The following TMEM181 variants were observed in gnomAD, a reference collection of about 807,000 sequenced individuals.
TMEM181 encodes the protein G protein-coupled receptor 178.
Under a neutral mutation model 71.9 loss-of-function variants are expected in TMEM181, and 39 were observed. The ratio of observed to expected loss-of-function variants is 0.54; its 90% CI spans 0.42 to 0.71. The LOEUF (loss-of-function observed/expected upper bound fraction) is 0.71. Ranked by LOEUF, TMEM181 falls within the 30% of genes least tolerant of loss-of-function variation. The pLI is 0.00. For synonymous variants in TMEM181, 245 were observed against 228.8 expected (o/e 1.07, Z -0.64); for missense variants, 595 against 583.0 (o/e 1.02, Z -0.21).
At chr6:158,608,559 GA>G in intron 9 of TMEM181, 96 bp downstream of exon 9, 2 of 1,605,846 alleles carry the variant, frequency 1.2e-6, no homozygotes, top group Non-Finnish European at 1.7e-6. Flanking sequence ...TTTATCCATG[GA>G]AGCCTGTCTG....
intron 6 of TMEM181, among the ~76,000 whole-genome samples, chr6:158,604,913 A>C (rs1784860229): frequency 6.6e-6 from 1 of 152,166 alleles, no homozygotes; most frequent in African/African-American, 2.4e-5. Flanking sequence ...TTGATAAAAA[A>C]GTAAACTGTA....
Position 158,573,290 on chromosome 6 carries a change from A to G in TMEM181, c.9-130A>G, listed in dbSNP as rs1582965265. On this transcript the variant is annotated intron_variant, in intron 1 of 16. Coordinates refer to ENST00000684151, the MANE Select transcript of TMEM181 (RefSeq NM_001376852.1). ...GGTTACCTGGTGGCAGTGCAGGCCC[A>G]CTTCAGAAGTGAGGGACTGGGAGGG... The G allele has an allele frequency of 1.1e-5, 7 of 657,032 alleles. No homozygotes were observed. The East Asian group carries it at 1.4e-4, about 13-fold the overall frequency. The allele number at this position is 657,032 out of a possible 1,614,324, so 40.7% of individuals were successfully genotyped here. A position where few individuals can be genotyped will look rare whatever the true frequency, so the allele number is the denominator to read the frequency against.
chr6:158,537,282 C>A (rs889160592), intron 1 of TMEM181, among the ~76,000 whole-genome samples: 1 of 152,086 alleles, frequency 6.6e-6, no homozygotes, highest in South Asian at 2.1e-4. Flanking sequence ...CGACCGCGCG[C>A]GCTGCGGCGT....
chr6:158,557,536 G>T, upstream of TMEM181, among the ~76,000 whole-genome samples: 1 of 67,520 alleles, frequency 1.5e-5, no homozygotes, highest in African/African-American at 7.8e-5. Flanking sequence ...TTATTTATTT[G>T]AGACAGAGTC....
chr6:158,631,250 C>G (rs1418574029), intron 15 of TMEM181, 73 bp from the exon 16 acceptor site: 2 of 1,512,412 alleles, frequency 1.3e-6, no homozygotes, highest in South Asian at 2.3e-5. Flanking sequence ...TTCCTTTGTC[C>G]GGGACAGCAT....
At position 158,628,859 on chromosome 6, in the gene TMEM181, G is replaced by T. The variant is rs537303957; in HGVS notation, c.1192+369G>T. 2.0e-3 allele frequency among the ~76,000 whole-genome samples: 304 copies of T among 152,336 alleles called. 1 individual carries two copies. Among genetic ancestry groups the T allele is most frequent in the African/African-American group, 6.7e-3 (280 of 41,568 alleles). ...GTGCGGTTGCCTCTCCACACCGCGG[G>T]GCTCCAAGCCCCTACTGCCCTCCAG... On this transcript the variant is annotated intron_variant, in intron 14 of 16. Coordinates refer to ENST00000684151, the MANE Select transcript of TMEM181 (RefSeq NM_001376852.1).
rs1288722667 is a variant in TMEM181 at position 158,632,404 on chromosome 6, CTGAAGTGAT to C, written c.*519_*527del. The C allele has an allele frequency of 6.1e-6, 1 of 164,622 alleles. No individual in the cohort carries two copies. The highest frequency in any genetic ancestry group is 1.3e-5 in the Non-Finnish European group (1 of 74,890). 10.2% of individuals were successfully genotyped at this position (164,622 alleles called of 1,614,324 possible). A position where few individuals can be genotyped will look rare whatever the true frequency, so the allele number is the denominator to read the frequency against. ...GCCAGTGCCCTGGGTAACCAGGTGG[CTGAAGTGAT>C]TGGTCAGTTATGTGGACTGCGTTTT... is the stretch of plus-strand genomic sequence containing the variant. On this transcript the variant is annotated 3_prime_UTR_variant, in exon 17 of 17. Coordinates refer to ENST00000684151, the MANE Select transcript of TMEM181 (RefSeq NM_001376852.1).
At chr6:158,618,308 TTTG>T (rs376129600) in intron 10 of TMEM181, among the ~76,000 whole-genome samples, 25 of 151,858 alleles carry the variant, frequency 1.6e-4, no homozygotes, top group African/African-American at 3.4e-4. Flanking sequence ...AACCCCTGCT[TTTG>T]TTGTTGTTGT....
chr6:158,608,526 T>C, intron 9 of TMEM181, 63 bp downstream of exon 9: 2 of 1,612,380 alleles, frequency 1.2e-6, no homozygotes, highest in Non-Finnish European at 1.7e-6. Context: ...TCCCGAACTC[T>C]GAGGACAGCC....
chr6:158,629,023 A>G (rs1229691650), intron 14 of TMEM181, among the ~76,000 whole-genome samples: 2 of 152,190 alleles, frequency 1.3e-5, no homozygotes, highest in Non-Finnish European at 2.9e-5. Flanking sequence ...AAGAGCTCAG[A>G]AAATACTGGG....
intron 1 of TMEM181, among the ~76,000 whole-genome samples, chr6:158,571,545 G>T (rs10945551): frequency 8.2e-6 from 1 of 122,114 alleles, no homozygotes; most frequent in Non-Finnish European, 2.0e-5. Context: ...TGATCCGCCC[G>T]CCTTGGCCTC....
At chr6:158,582,605 C>T (rs1369801658) in intron 3 of TMEM181, among the ~76,000 whole-genome samples, 9 of 151,858 alleles carry the variant, frequency 5.9e-5, no homozygotes, top group South Asian at 4.2e-4. Flanking sequence ...GTTGATGCTG[C>T]GGTAAGCCAT....
At chr6:158,537,923 G>T (rs896286802) in intron 1 of TMEM181, among the ~76,000 whole-genome samples, 1 of 152,068 alleles carries the variant, frequency 6.6e-6, no homozygotes, top group Admixed American at 6.5e-5. Context: ...GCAACGCAGC[G>T]GGACCGTGGT....
intron 13 of TMEM181, among the ~76,000 whole-genome samples, chr6:158,627,733 C>T (rs1786408426): frequency 6.6e-6 from 1 of 152,212 alleles, no homozygotes; most frequent in Non-Finnish European, 1.5e-5. Context: ...CTCTTGAGTC[C>T]AGTTTCCATT....
At chr6:158,589,607 T>C in intron 5 of TMEM181, 65 bp from the exon 6 acceptor site, 1 of 1,234,442 alleles carries the variant, frequency 8.1e-7, no homozygotes, top group Non-Finnish European at 1.2e-6. Flanking sequence ...TGTTACTTCA[T>C]GGGTTATTTG....
intron 1 of TMEM181, among the ~76,000 whole-genome samples, chr6:158,561,736 G>A (rs1356680868): frequency 6.6e-6 from 1 of 152,198 alleles, no homozygotes; most frequent in Non-Finnish European, 1.5e-5. Context: ...TTTTGTGCGA[G>A]TTTGAGGCCT....
chr6:158,625,726 GC>G lies in TMEM181; in HGVS notation c.1082del (p.Ala361AspfsTer2). On this transcript the variant is annotated frameshift_variant, in exon 13 of 17. Coordinates refer to ENST00000684151, the MANE Select transcript of TMEM181 (RefSeq NM_001376852.1). LOFTEE classifies it high-confidence loss of function. Reference sequence around the variant, plus strand: ...AGATCTCAGGTTGAAATTTTTGACTGCATTGACTTTCGTAGTACTTGTCATT... The same window carrying G: ...AGATCTCAGGTTGAAATTTTTGACTGATTGACTTTCGTAGTACTTGTCATT... ...YVDLRLKFLT[A>X]LTFVVLVISI... is the part of the protein sequence containing the mutation. The G allele has an allele frequency of 6.2e-7, 1 of 1,610,836 alleles. No homozygotes were observed. The highest frequency in any genetic ancestry group is 8.5e-7 in the Non-Finnish European group (1 of 1,179,204).
chr6:158,570,382 G>A (rs959003497), intron 1 of TMEM181, among the ~76,000 whole-genome samples: 2 of 151,756 alleles, frequency 1.3e-5, no homozygotes, highest in Admixed American at 6.6e-5. Context: ...ACAGGTGCCC[G>A]CCACAAAGCC....
chr6:158,575,960 G>A (rs906973894), intron 2 of TMEM181, among the ~76,000 whole-genome samples: 1 of 152,100 alleles, frequency 6.6e-6, no homozygotes, highest in Non-Finnish European at 1.5e-5. Context: ...TCAGATTCAC[G>A]GTGTTTCCTT....
Sources: allele counts gnomAD v4.1 joint callset (sites outside exome capture counted in the v4.1 genomes callset), GRCh38; gene constraint gnomAD v4.1.1; transcripts MANE v1.5; gene names NCBI Gene and HGNC (gene_info 2026-07-23, HGNC 2026-07-21).